Variants in ENTPD1 observed in about 807,000 individuals in gnomAD.
The protein encoded by ENTPD1 is ectonucleoside triphosphate diphosphohydrolase 1.
In ENTPD1, 33 loss-of-function variants were observed where a neutral mutation model predicts 57.0. That is an observed-to-expected ratio of 0.58 (90% confidence interval 0.44 to 0.77). ENTPD1 has a LOEUF of 0.77. Ranked by LOEUF, ENTPD1 falls within the 30% of genes least tolerant of loss-of-function variation. ENTPD1 has a pLI of 0.00. For synonymous variants in ENTPD1, 202 were observed against 218.8 expected (o/e 0.92, Z 0.68); for missense variants, 501 against 603.4 (o/e 0.83, Z 1.78).
intron 1 of ENTPD1, chr10:95,712,101 A>G: frequency 6.6e-7 from 1 of 1,514,252 alleles, no homozygotes; most frequent in Non-Finnish European, 9.1e-7. Flanking sequence ...CAAAACCTTG[A>G]TTAATGAGAA....
the ENTPD1 span, among the ~76,000 whole-genome samples, chr10:95,695,490 A>G: frequency 6.6e-6 from 1 of 152,182 alleles, no homozygotes; most frequent in Non-Finnish European, 1.5e-5. Flanking sequence ...AGGACATTTG[A>G]CTTTACTTGA....
chr10:95,765,268 A>G (rs1253473228), intron 1 of ENTPD1, among the ~76,000 whole-genome samples: 2 of 152,170 alleles, frequency 1.3e-5, no homozygotes, highest in Non-Finnish European at 2.9e-5. Context: ...TGCCTAATCC[A>G]AAGTCATGAA....
intron 1 of ENTPD1, among the ~76,000 whole-genome samples, chr10:95,774,311 C>T (rs1447777567): frequency 6.6e-6 from 1 of 152,134 alleles, no homozygotes; most frequent in Admixed American, 6.5e-5. Flanking sequence ...GTTTCTTTAG[C>T]TGTGCAGAAG....
rs905185154 is a variant in ENTPD1, at chr10:95,839,525, G to T, written c.145-166G>T. On this transcript the variant is annotated intron_variant, in intron 2 of 9. Transcript: ENST00000371205. ...AGAGCCCCGTTCTAGCAGGGTTGTTGTCCTGGTAGATCTTGTGATCGGAGT... is the reference window on the plus strand; with the variant it reads ...AGAGCCCCGTTCTAGCAGGGTTGTTTTCCTGGTAGATCTTGTGATCGGAGT... 12 of 742,864 alleles carry T rather than the reference G, an allele frequency of 1.6e-5. No individual in the cohort carries two copies. In the African/African-American group the frequency reaches 1.9e-4, roughly 12 times the overall value. 46.0% of individuals were successfully genotyped at this position (742,864 alleles called of 1,614,324 possible).
At chr10:95,826,416 A>G (rs1465291176) in intron 2 of ENTPD1, among the ~76,000 whole-genome samples, 3 of 151,954 alleles carry the variant, frequency 2.0e-5, no homozygotes, top group African/African-American at 7.3e-5. Flanking sequence ...CTACTAAAAT[A>G]CAAAAAATTA....
At chr10:95,820,186 T>C (rs1408400435) in intron 1 of ENTPD1, among the ~76,000 whole-genome samples, 2 of 152,204 alleles carry the variant, frequency 1.3e-5, no homozygotes, top group Admixed American at 6.5e-5. Context: ...GGCTGACATA[T>C]AGTCCATGGA....
At chr10:95,709,832 C>G (rs2097964093), upstream of ENTPD1, among the ~76,000 whole-genome samples, 1 of 152,114 alleles carries the variant, frequency 6.6e-6, no homozygotes, top group Non-Finnish European at 1.5e-5. Flanking sequence ...GTGGTGCCAT[C>G]TCAGATCACT....
At chr10:95,778,844 C>A (rs1274839590) in intron 1 of ENTPD1, among the ~76,000 whole-genome samples, 2 of 151,986 alleles carry the variant, frequency 1.3e-5, no homozygotes, top group Admixed American at 1.3e-4. Flanking sequence ...AAGACCTTTT[C>A]ACATATTATC....
chr10:95,800,066 A>G (rs2140327191), intron 1 of ENTPD1, among the ~76,000 whole-genome samples: 1 of 152,150 alleles, frequency 6.6e-6, no homozygotes, highest in Non-Finnish European at 1.5e-5. Context: ...ATTTTCTCCC[A>G]TTCTGTAGGT....
Position 95,871,025 on chromosome 10 carries a change from G to C in ENTPD1, c.*4642G>C. ...ATGAACCCCGCAGAGGCTCGTGAAA[G>C]TGAGAGGAAACTAGGATGCCTCTTA... On this transcript the variant is annotated 3_prime_UTR_variant, in exon 10 of 10. Transcript: ENST00000371205. 1 of 985,428 alleles carries C rather than the reference G, an allele frequency of 1.0e-6. No individual in the cohort carries two copies. The highest frequency in any genetic ancestry group is 1.2e-6 in the Non-Finnish European group (1 of 829,944). 61.0% of individuals were successfully genotyped at this position (985,428 alleles called of 1,614,324 possible).
intron 1 of ENTPD1, among the ~76,000 whole-genome samples, chr10:95,799,644 T>C (rs2098240586): frequency 6.6e-6 from 1 of 152,202 alleles, no homozygotes; most frequent in African/African-American, 2.4e-5. Flanking sequence ...TTCCTTTGGG[T>C]ATATATCCAG....
the ENTPD1 span, among the ~76,000 whole-genome samples, chr10:95,696,317 G>A: frequency 6.6e-6 from 1 of 152,076 alleles, no homozygotes; most frequent in Non-Finnish European, 1.5e-5. Flanking sequence ...GTCTTGCCCT[G>A]TCACCCAGGC....
At chr10:95,702,638 A>T in the ENTPD1 span, among the ~76,000 whole-genome samples, 4 of 152,354 alleles carry the variant, frequency 2.6e-5, no homozygotes, top group East Asian at 7.7e-4. Flanking sequence ...CAATCTGTAG[A>T]TTCCAGCTCT....
Position 95,870,504 on chromosome 10 carries a change from C to T in ENTPD1, c.*4121C>T. The T allele has an allele frequency of 2.1e-6, 2 of 935,124 alleles. No individual in the cohort carries two copies. The highest frequency in any genetic ancestry group is 2.6e-6 in the Non-Finnish European group (2 of 784,170). The allele number at this position is 935,124 out of a possible 1,614,324, so 57.9% of individuals were successfully genotyped here. ...ATGTTGTCCAGGCTGGTCTCGAACT[C>T]CTGCCCTCAAGCAATCCTCCTGCCT... On this transcript the variant is annotated 3_prime_UTR_variant, in exon 10 of 10. Coordinates refer to ENST00000371205, the MANE Select transcript of ENTPD1 (RefSeq NM_001776.6).
chr10:95,845,690 T>G (rs765543890), intron 6 of ENTPD1, 94 bp downstream of exon 6: 16 of 1,610,138 alleles, frequency 9.9e-6, no homozygotes, highest in Non-Finnish European at 1.4e-5. Context: ...GTAGTTTGTC[T>G]GAACTTGGTT....
At chr10:95,762,943 T>C (rs2098072259) in intron 1 of ENTPD1, among the ~76,000 whole-genome samples, 1 of 152,208 alleles carries the variant, frequency 6.6e-6, no homozygotes, top group Non-Finnish European at 1.5e-5. Context: ...GATATACTTC[T>C]TTTGTATACT....
chr10:95,863,306 A>C (rs965597085), intron 8 of ENTPD1, among the ~76,000 whole-genome samples: 2 of 152,200 alleles, frequency 1.3e-5, no homozygotes, highest in African/African-American at 4.8e-5. Flanking sequence ...CAGCACTTTC[A>C]AGTTGGACCT....
intron 1 of ENTPD1, among the ~76,000 whole-genome samples, chr10:95,733,739 C>T (rs979536297): frequency 6.6e-6 from 1 of 152,040 alleles, no homozygotes; most frequent in South Asian, 2.1e-4. Context: ...GGGTGAGGAG[C>T]GAAGAGAAAT....
chr10:95,710,361 C>T (rs992295816), upstream of ENTPD1, among the ~76,000 whole-genome samples: 3 of 152,090 alleles, frequency 2.0e-5, no homozygotes, highest in African/African-American at 7.2e-5. Flanking sequence ...GCAGAGATTA[C>T]ACCACTGCAT....
Sources: gnomAD v4.1 joint callset for allele counts (sites outside exome capture counted in the v4.1 genomes callset) on GRCh38, gnomAD v4.1.1 for gene constraint, MANE v1.5 for transcripts, NCBI Gene and HGNC (gene_info 2026-07-23, HGNC 2026-07-21) for gene names.